The following RPN1 variants were observed in gnomAD, a reference collection of about 807,000 sequenced individuals.
The protein encoded by RPN1 is dolichyl-diphosphooligosaccharide--protein glycosyltransferase subunit 1.
In RPN1, 12 loss-of-function variants were observed where a neutral mutation model predicts 55.5. The observed-to-expected ratio is 0.22, with a 90% CI of 0.14 to 0.35. The LOEUF (loss-of-function observed/expected upper bound fraction) is 0.35. Among genes scored for constraint, RPN1 ranks in the 10% least tolerant of loss-of-function variants. The pLI, the probability that RPN1 is intolerant of heterozygous loss-of-function variation, is 1.00. For synonymous variants in RPN1, 317 were observed against 305.9 expected (o/e 1.04, Z -0.38); for missense variants, 679 against 761.3 (o/e 0.89, Z 1.27).
At chr3:128,637,774 T>C (rs778267320) in intron 3 of RPN1, 25 bp downstream of exon 3, 1 of 1,602,010 alleles carries the variant, frequency 6.2e-7, no homozygotes, top group South Asian at 1.1e-5. Context: ...CAGACAGGGA[T>C]GGGCTGGACT....
intron 1 of RPN1, among the ~76,000 whole-genome samples, chr3:128,646,062 G>A (rs1337075954): frequency 1.3e-5 from 2 of 151,698 alleles, no homozygotes; most frequent in South Asian, 2.1e-4. Flanking sequence ...GGCCAATATA[G>A]TGAAACCCCA....
At chr3:128,636,819 G>T (rs555016328) in intron 3 of RPN1, among the ~76,000 whole-genome samples, 24 of 152,154 alleles carry the variant, frequency 1.6e-4, no homozygotes, top group Non-Finnish European at 3.4e-4. Flanking sequence ...AAAGTGCTAG[G>T]ATTATAGGCA....
Position 128,650,617 on chromosome 3 carries a change from A to C in RPN1, c.184T>G (p.Ser62Ala). ...AGGAAAGAGGTAGCTCGGGACGTGGAGCCGCCGCCCAGGTGCGCCAGGACC... is the reference window on the plus strand; with the variant it reads ...AGGAAAGAGGTAGCTCGGGACGTGGCGCCGCCGCCCAGGTGCGCCAGGACC... ...EVVLAHLGGG[S>A]TSRATSFLLA... Residue 62 changes from serine (S) to alanine (A), a missense_variant, in exon 1 of 10, where the codon TCC (serine) becomes GCC (alanine). Physicochemically the swap from Ser to Ala is moderately conservative, Grantham distance 99. Coordinates refer to ENST00000296255, the MANE Select transcript of RPN1 (RefSeq NM_002950.4). The C allele has an allele frequency of 6.4e-7, 1 of 1,551,286 alleles. No homozygotes were observed. Among genetic ancestry groups the C allele is most frequent in the Non-Finnish European group, 8.7e-7 (1 of 1,147,366 alleles).
intron 1 of RPN1, among the ~76,000 whole-genome samples, chr3:128,645,272 G>A (rs765372167): frequency 3.9e-5 from 6 of 152,104 alleles, no homozygotes; most frequent in Non-Finnish European, 7.3e-5. Flanking sequence ...AGGAGTTCGA[G>A]ACCAGCCTGA....
At position 128,650,685 on chromosome 3, in the gene RPN1, G is replaced by C. The variant is rs1385207500; in HGVS notation, c.116C>G (p.Thr39Arg). ...AGCCAGGTGGCTGCTTAGGTCCACTGTGCGCTTCACGTCCTCATTGATCAG... is the reference window on the plus strand; with the variant it reads ...AGCCAGGTGGCTGCTTAGGTCCACTCTGCGCTTCACGTCCTCATTGATCAG... Reference protein sequence around the residue: ...PPLINEDVKRTVDLSSHLAKV... With the variant: ...PPLINEDVKRRVDLSSHLAKV... Residue 39 changes from threonine to arginine, a missense_variant, in exon 1 of 10, where the codon ACA becomes AGA. By Grantham distance (71) the Thr-to-Arg change is moderately conservative. This residue lies in a region of RPN1 where 352 missense variants were observed against 352.8 expected (regional missense o/e 1.00). Transcript: ENST00000296255. 1 of 1,573,114 alleles carries C rather than the reference G, an allele frequency of 6.4e-7. No individual in the cohort carries two copies.
chr3:128,647,492 T>G (rs1048888833), intron 1 of RPN1, among the ~76,000 whole-genome samples: 1 of 151,986 alleles, frequency 6.6e-6, no homozygotes, highest in Non-Finnish European at 1.5e-5. Flanking sequence ...AAGACCAGCC[T>G]GGGCAACACA....
At chr3:128,641,798 A>G (rs2069727584) in intron 2 of RPN1, among the ~76,000 whole-genome samples, 1 of 151,692 alleles carries the variant, frequency 6.6e-6, no homozygotes, top group African/African-American at 2.4e-5. Context: ...TTTAGTAGAG[A>G]TGGGGTTTCT....
chr3:128,643,732 T>C (rs753960014), intron 2 of RPN1, among the ~76,000 whole-genome samples: 11 of 150,582 alleles, frequency 7.3e-5, no homozygotes, highest in Admixed American at 2.0e-4. Context: ...GAGGAGGAGG[T>C]TGCAGTGAGC....
chr3:128,640,784 T>C (rs1174326270), intron 2 of RPN1, among the ~76,000 whole-genome samples: 2 of 152,086 alleles, frequency 1.3e-5, no homozygotes, highest in Non-Finnish European at 2.9e-5. Flanking sequence ...TGCCTCCTCC[T>C]CCATTCAAAC....
At chr3:128,640,858 G>T (rs1229436574) in intron 2 of RPN1, among the ~76,000 whole-genome samples, 1 of 150,302 alleles carries the variant, frequency 6.7e-6, no homozygotes, top group African/African-American at 2.5e-5. Context: ...CTTCCCCCCA[G>T]CCCATCTACA....
chr3:128,643,387 G>A (rs542822284), intron 2 of RPN1, among the ~76,000 whole-genome samples: 14 of 147,598 alleles, frequency 9.5e-5, no homozygotes, highest in Non-Finnish European at 6.0e-5. Flanking sequence ...TATGGGGCCA[G>A]GAGTGGTGGC....
chr3:128,622,677 G>A (rs952131186), intron 8 of RPN1, among the ~76,000 whole-genome samples: 4 of 151,908 alleles, frequency 2.6e-5, no homozygotes, highest in Admixed American at 6.6e-5. Context: ...GGCAGATCAC[G>A]AGGTCAGGAG....
In RPN1 at chr3:128,620,352, A is replaced by G. The variant is rs372167476; in HGVS notation, c.*59T>C. On this transcript the variant is annotated 3_prime_UTR_variant, in exon 10 of 10. Transcript: ENST00000296255. ...ATGCACAACCTCCCACTACCACCCA[A>G]TCTGCCTGCCACAGCAAAGTGCAGG... The G allele has an allele frequency of 1.3e-6, 2 of 1,519,658 alleles. No homozygotes were observed. The highest frequency in any genetic ancestry group is 1.4e-5 in the African/African-American group (1 of 72,756). 94.1% of individuals were successfully genotyped at this position (1,519,658 alleles called of 1,614,324 possible).
chr3:128,637,900 C>A lies in RPN1; in HGVS notation c.532G>T (p.Ala178Ser). The A allele has an allele frequency of 3.1e-6, 5 of 1,614,200 alleles. No homozygotes were observed. Among genetic ancestry groups the A allele is most frequent in the Non-Finnish European group, 4.2e-6 (5 of 1,180,040 alleles). ...GTGTAGCTCTCCACATTTCGAGAGGCAAGCTTCACACGCATGGTTTGTGTC... is the reference window on the plus strand; with the variant it reads ...GTGTAGCTCTCCACATTTCGAGAGGAAAGCTTCACACGCATGGTTTGTGTC... ...TKTQTMRVKL[A>S]SRNVESYTKL... Residue 178 changes from alanine to serine, a missense_variant, in exon 3 of 10, where the codon GCC becomes TCC. Around this residue, in one of 3 missense-constraint regions of RPN1, gnomAD observed 352 missense variants for 352.8 expected, o/e 1.00. Transcript: ENST00000296255.
intron 1 of RPN1, among the ~76,000 whole-genome samples, chr3:128,645,427 G>A (rs1464117931): frequency 6.7e-6 from 1 of 148,994 alleles, no homozygotes; most frequent in Non-Finnish European, 1.5e-5. Context: ...CTGAGATGGC[G>A]CCATCACACT....
intron 1 of RPN1, among the ~76,000 whole-genome samples, chr3:128,646,444 A>T (rs1408284718): frequency 6.6e-6 from 1 of 151,962 alleles, no homozygotes; most frequent in Non-Finnish European, 1.5e-5. Flanking sequence ...GCACTCTGAC[A>T]GGCAGAGGAG....
intron 1 of RPN1, among the ~76,000 whole-genome samples, chr3:128,646,422 C>T (rs1227636033): frequency 6.6e-6 from 1 of 152,066 alleles, no homozygotes; most frequent in Non-Finnish European, 1.5e-5. Context: ...GTGGCTCACG[C>T]CTGTAATCCC....
chr3:128,633,539 T>C (rs778311646), intron 3 of RPN1, among the ~76,000 whole-genome samples: 1 of 152,122 alleles, frequency 6.6e-6, no homozygotes, highest in Non-Finnish European at 1.5e-5. Flanking sequence ...AATGTTCATA[T>C]CCTTCAATTT....
intron 5 of RPN1, among the ~76,000 whole-genome samples, chr3:128,628,072 A>T (rs1291072798): frequency 6.6e-6 from 1 of 152,170 alleles, no homozygotes; most frequent in East Asian, 1.9e-4. Context: ...AGCCTGGCCA[A>T]CATAGTGAAA....
Sources: allele counts gnomAD v4.1 joint callset (sites outside exome capture counted in the v4.1 genomes callset), GRCh38; gene constraint gnomAD v4.1.1; regional missense constraint gnomAD v4.1.1; transcripts MANE v1.5; gene names NCBI Gene and HGNC (gene_info 2026-07-23, HGNC 2026-07-21).